The following TSBP1 variants were observed in gnomAD, a reference collection of about 807,000 sequenced individuals.
The protein encoded by TSBP1 is testis-expressed basic protein 1.
A neutral mutation model predicts 68.8 loss-of-function variants in TSBP1; 56 were observed. The observed-to-expected ratio is 0.81, with a 90% CI of 0.66 to 1.02. The LOEUF is 1.02. TSBP1 is among the 50% of genes least tolerant of loss of function. The pLI, the probability that TSBP1 is intolerant of heterozygous loss-of-function variation, is 0.00. For synonymous variants in TSBP1, 171 were observed against 208.7 expected, an observed-to-expected ratio of 0.82 and a Z score of 1.56; for missense variants, 502 against 641.2, an observed-to-expected ratio of 0.78 and a Z score of 2.34.
In TSBP1 at chr6:32,315,711, A is replaced by G. The variant is rs1381211589; in HGVS notation, c.580+61T>C. 7.2e-6 allele frequency: 8 copies of G among 1,111,848 alleles called. No homozygotes were observed. The highest frequency in any genetic ancestry group is 3.8e-6 in the Non-Finnish European group (3 of 788,858). The allele number at this position is 1,111,848 out of a possible 1,614,324, so 68.9% of individuals were successfully genotyped here. On this transcript the variant is annotated intron_variant, in intron 19 of 22. Coordinates refer to ENST00000612031, the Ensembl canonical transcript of TSBP1. This position sits in a 1 kb window ranked among gnomAD's most constrained non-coding sequence, Gnocchi z 5.4. ...ATGAGTCTCAATCTTTTGGATACTT[A>G]GAAGTGGAAACATCTAACATAAATC...
At chr6:32,346,707 G>A (rs2395147) in intron 9 of TSBP1, among the ~76,000 whole-genome samples, 63,862 of 151,722 alleles carry the variant, frequency 0.42, 14,307 homozygotes, top group African/African-American at 0.54. Context: ...GTATTGTGGT[G>A]CACGCCTGTA....
chr6:32,332,654 G>A (rs1467442713), intron 14 of TSBP1, among the ~76,000 whole-genome samples: 1 of 152,050 alleles, frequency 6.6e-6, no homozygotes, highest in Non-Finnish European at 1.5e-5. Flanking sequence ...CTGTCACCCA[G>A]GCTGGAATGC....
At chr6:32,294,848 G>C (rs1764528563) in intron 22 of TSBP1, among the ~76,000 whole-genome samples, 1 of 151,846 alleles carries the variant, frequency 6.6e-6, no homozygotes, top group African/African-American at 2.4e-5. Flanking sequence ...GAATTTATTG[G>C]CTTCTGCTAG....
In TSBP1 at chr6:32,312,497, C is replaced by T. The variant is rs143970859; in HGVS notation, c.580+3275G>A. On this transcript the variant is annotated intron_variant, in intron 19 of 22. Coordinates refer to ENST00000612031, the Ensembl canonical transcript of TSBP1. ...AACTAGAAAATTATGGGTTCTAAGA[C>T]ATCATTAAATGATAGGAAGGAGACA... 7.1e-3 allele frequency among the ~76,000 whole-genome samples: 1,082 copies of T among 152,258 alleles called. 8 individuals are homozygous for T. The highest frequency in any genetic ancestry group is 0.065 in the Middle Eastern group (19 of 294).
rs1185844689 is a variant in TSBP1 at position 32,365,684 on chromosome 6, G to A, written c.217+483C>T. 7 of 449,590 alleles carry A rather than the reference G, an allele frequency of 1.6e-5. No homozygotes were observed. In the Admixed American group the frequency reaches 1.7e-4, roughly 11 times the overall value. 27.9% of individuals were successfully genotyped at this position (449,590 alleles called of 1,614,324 possible). Reference sequence around the variant, plus strand: ...TGTGGGAGAAATTGTGGGCCAAGTGGGTCTGTCTCAGCATTGAGTTGTGCC... The same window carrying A: ...TGTGGGAGAAATTGTGGGCCAAGTGAGTCTGTCTCAGCATTGAGTTGTGCC... On this transcript the variant is annotated intron_variant, in intron 6 of 22. Coordinates refer to ENST00000612031, the Ensembl canonical transcript of TSBP1. The surrounding 1 kb of genome is among the most constrained non-coding windows in gnomAD (Gnocchi z 4.3).
chr6:32,302,690 T>C lies in TSBP1; in HGVS notation c.581-61A>G. 8.2e-7 allele frequency: 1 copy of C among 1,215,414 alleles called. No individual in the cohort carries two copies. The highest frequency in any genetic ancestry group is 1.2e-6 in the Non-Finnish European group (1 of 856,608). 75.3% of individuals were successfully genotyped at this position (1,215,414 alleles called of 1,614,324 possible). ...CATTTTTGGAACAGAAGTACAGTTC[T>C]TTCCTACTCCCAATTCCCTAGTTGT... On this transcript the variant is annotated intron_variant, in intron 19 of 22. Coordinates refer to ENST00000612031, the Ensembl canonical transcript of TSBP1. This position sits in a 1 kb window ranked among gnomAD's most constrained non-coding sequence, Gnocchi z 5.1.
In TSBP1 at chr6:32,365,905, T is replaced by C. The variant is rs1211429226; in HGVS notation, c.217+262A>G. The C allele has an allele frequency of 1.8e-6, 1 of 568,764 alleles. No homozygotes were observed. Among genetic ancestry groups the C allele is most frequent in the Non-Finnish European group, 3.3e-6 (1 of 299,590 alleles). The allele number at this position is 568,764 out of a possible 1,614,324, so 35.2% of individuals were successfully genotyped here. On this transcript the variant is annotated intron_variant, in intron 6 of 22. Transcript: ENST00000612031. This position sits in a 1 kb window ranked among gnomAD's most constrained non-coding sequence, Gnocchi z 4.3. ...CTGTGTGGGAAGAAAGCTCCTATTC[T>C]ACTATTTTGCTGATGCCTTTCTCTC...
chr6:32,351,214 G>A (rs1771676709), intron 8 of TSBP1, among the ~76,000 whole-genome samples: 1 of 152,180 alleles, frequency 6.6e-6, no homozygotes, highest in Non-Finnish European at 1.5e-5. Flanking sequence ...GTTGTTAGAA[G>A]TGATATGAAA....
intron 16 of TSBP1, among the ~76,000 whole-genome samples, chr6:32,328,071 T>TG (rs1554195863): frequency 1.3e-5 from 2 of 151,932 alleles, no homozygotes; most frequent in Admixed American, 6.6e-5. Flanking sequence ...CCCAAAGTGC[T>TG]GGATTACAGG....
rs1206458253 is a variant in TSBP1, at chr6:32,337,683, T to TACAC, written c.410-1052_410-1049dup. 6.6e-6 allele frequency among the ~76,000 whole-genome samples: 1 copy of TACAC among 151,424 alleles called. No individual in the cohort carries two copies. Among genetic ancestry groups the TACAC allele is most frequent in the Admixed American group, 6.6e-5 (1 of 15,206 alleles). On this transcript the variant is annotated intron_variant, in intron 11 of 22. Transcript: ENST00000612031. The surrounding 1 kb of genome is among the most constrained non-coding windows in gnomAD (Gnocchi z 5.5). ...TTATGACCACACACACACATACACA[T>TACAC]ACACACACACACACCCCACCACACC... is the stretch of plus-strand genomic sequence containing the variant.
At position 32,325,304 on chromosome 6, in the gene TSBP1, G is replaced by T; in HGVS notation, c.515-1690C>A. On this transcript the variant is annotated intron_variant, in intron 16 of 22. Transcript: ENST00000612031. The surrounding 1 kb of genome is among the most constrained non-coding windows in gnomAD (Gnocchi z 4.4). ...TTGAGCTTTGAAACAACTGATGAGA[G>T]CCTGAGGAGCCATTTTGAGCAGTGA... 7.2e-7 allele frequency: 1 copy of T among 1,385,330 alleles called. No individual in the cohort carries two copies. Among genetic ancestry groups the T allele is most frequent in the Non-Finnish European group, 1.0e-6 (1 of 994,582 alleles). 85.8% of individuals were successfully genotyped at this position (1,385,330 alleles called of 1,614,324 possible). A position where few individuals can be genotyped will look rare whatever the true frequency, so the allele number is the denominator to read the frequency against.
At position 32,369,373 on chromosome 6, in the gene TSBP1, A is replaced by ATTTTTT. The variant is rs9281761; in HGVS notation, c.100+518_100+523dup. ...CTTATTACTTTTGCTAAACTCTGTG[A>ATTTTTT]TTTTTTTTTTTTTTTGAGATGGAGT... On this transcript the variant is annotated intron_variant, in intron 2 of 22. Coordinates refer to ENST00000612031, the Ensembl canonical transcript of TSBP1. Among the ~76,000 whole-genome samples the ATTTTTT allele has an allele frequency of 2.4e-5, 3 of 127,018 alleles. 1 individual carries two copies. The highest frequency in any genetic ancestry group is 4.5e-4 in the East Asian group (2 of 4,402). 83.3% of individuals were successfully genotyped at this position (127,018 alleles called of 152,430 possible). A position where few individuals can be genotyped will look rare whatever the true frequency, so the allele number is the denominator to read the frequency against.
chr6:32,326,397 G>C (rs1162777973), intron 16 of TSBP1, among the ~76,000 whole-genome samples: 1 of 152,192 alleles, frequency 6.6e-6, no homozygotes, highest in Non-Finnish European at 1.5e-5. Flanking sequence ...CTGTTCTGTG[G>C]AAAGTGTAAA....
intron 8 of TSBP1, chr6:32,350,014 A>G (rs1771540124): frequency 1.4e-6 from 1 of 695,778 alleles, no homozygotes; most frequent in Non-Finnish European, 2.6e-6. Context: ...GAATAAAAAT[A>G]TTTTTGGAGA....
exon 2 of TSBP1, chr6:32,369,942 T>G: frequency 6.2e-7 from 1 of 1,612,442 alleles, no homozygotes; most frequent in South Asian, 1.1e-5. Flanking sequence ...ATAGCCAGGA[T>G]GGCAAGTCCC....
At chr6:32,355,754 C>G in intron 6 of TSBP1, 85 bp from the exon 7 acceptor site, 1 of 1,443,210 alleles carries the variant, frequency 6.9e-7, no homozygotes, top group East Asian at 2.5e-5. Context: ...ATTACCCAAT[C>G]AACACCCTCA....
At position 32,371,682 on chromosome 6, in the gene TSBP1, G is replaced by A. The variant is rs776964508; in HGVS notation, c.13+12C>T. 2 of 1,604,402 alleles carry A rather than the reference G, an allele frequency of 1.2e-6. No individual in the cohort carries two copies. The highest frequency in any genetic ancestry group is 1.7e-5 in the Admixed American group (1 of 59,994). On this transcript the variant is annotated intron_variant, in intron 1 of 22. Transcript: ENST00000612031. Reference sequence around the variant, plus strand: ...GAGTTGAGGAAGCCTCAAAGAGGGAGTTAGTCCATACCCAAGACTGTCATT... The same window carrying A: ...GAGTTGAGGAAGCCTCAAAGAGGGAATTAGTCCATACCCAAGACTGTCATT...
chr6:32,292,900 C>A lies in TSBP1; in HGVS notation c.*81G>T. On this transcript the variant is annotated 3_prime_UTR_variant, in exon 23 of 23. Transcript: ENST00000612031. The surrounding 1 kb of genome is among the most constrained non-coding windows in gnomAD (Gnocchi z 4.1). Reference sequence around the variant, plus strand: ...ATTTTATAATTGTAATCTGTTTAGGCAATGGCTGGGATATGGTTTGTATCT... The same window carrying A: ...ATTTTATAATTGTAATCTGTTTAGGAAATGGCTGGGATATGGTTTGTATCT... The A allele has an allele frequency of 1.2e-6, 1 of 812,758 alleles. No homozygotes were observed. The highest frequency in any genetic ancestry group is 2.4e-5 in the East Asian group (1 of 40,940). The allele number at this position is 812,758 out of a possible 1,614,324, so 50.3% of individuals were successfully genotyped here.
chr6:32,354,584 C>A (rs1045133308), intron 8 of TSBP1, among the ~76,000 whole-genome samples: 3 of 151,876 alleles, frequency 2.0e-5, no homozygotes, highest in African/African-American at 7.3e-5. Flanking sequence ...GGGTATGTAC[C>A]CCGGATAAAC....
Sources: allele counts gnomAD v4.1 joint callset (sites outside exome capture counted in the v4.1 genomes callset), GRCh38; gene constraint gnomAD v4.1.1; non-coding constraint Gnocchi (gnomAD v3.1); transcripts MANE v1.5; gene names NCBI Gene and HGNC (gene_info 2026-07-23, HGNC 2026-07-21).